The following AFF3 variants were observed in gnomAD, a reference collection of about 807,000 sequenced individuals.
The protein encoded by AFF3 is ALF transcription elongation factor 3.
Under a neutral mutation model 129.7 loss-of-function variants are expected in AFF3, and 32 were observed. That is an observed-to-expected ratio of 0.25 (90% CI 0.19 to 0.33). AFF3 has a LOEUF of 0.33. Ranked by LOEUF, AFF3 falls within the 10% of genes least tolerant of loss-of-function variation. AFF3 has a pLI of 1.00. For missense variants in AFF3, 1,373 were observed against 1,592.0 expected (o/e 0.86, Z 2.34); for synonymous variants, 644 against 635.4 (o/e 1.01, Z -0.20).
intron 7 of AFF3, among the ~76,000 whole-genome samples, chr2:99,961,386 C>T (rs778075358): frequency 4.6e-5 from 7 of 152,212 alleles, no homozygotes; most frequent in Non-Finnish European, 1.0e-4. Flanking sequence ...TCTTTCCTCC[C>T]TCGGGGGCCC....
At chr2:100,128,150 C>T (rs997865677) in intron 2 of AFF3, among the ~76,000 whole-genome samples, 4 of 152,304 alleles carry the variant, frequency 2.6e-5, no homozygotes, top group Non-Finnish European at 1.5e-5. Context: ...TTTAGCGTAT[C>T]ATCCAGAAAT....
At chr2:100,028,950 A>G (rs1364847657) in intron 4 of AFF3, among the ~76,000 whole-genome samples, 1 of 152,158 alleles carries the variant, frequency 6.6e-6, no homozygotes, top group East Asian at 1.9e-4. Context: ...GGGGTCTTGG[A>G]GAGATATCTA....
chr2:99,626,285 T>C (rs116347179), intron 13 of AFF3, among the ~76,000 whole-genome samples: 1,707 of 152,152 alleles, frequency 0.011, 30 homozygotes, highest in African/African-American at 0.038. Flanking sequence ...ACAGAAAAGG[T>C]AGAAAATTCC....
At chr2:99,890,451 AT>A (rs1431282960) in intron 7 of AFF3, among the ~76,000 whole-genome samples, 1 of 152,224 alleles carries the variant, frequency 6.6e-6, no homozygotes, top group East Asian at 1.9e-4. Flanking sequence ...AATGATTGAG[AT>A]ACATGCATTC....
chr2:99,991,106 C>G (rs962565460), intron 7 of AFF3, among the ~76,000 whole-genome samples: 1 of 152,110 alleles, frequency 6.6e-6, no homozygotes, highest in South Asian at 2.1e-4. Flanking sequence ...CTGCCCCTAC[C>G]CAGTCTTCAC....
intron 15 of AFF3, among the ~76,000 whole-genome samples, chr2:99,589,431 C>T (rs1039222357): frequency 2.2e-4 from 25 of 115,644 alleles, no homozygotes; most frequent in Non-Finnish European, 3.3e-4. Context: ...GAGACAGAGT[C>T]TCACTCTATT....
chr2:99,558,254 G>A (rs374777957), intron 22 of AFF3, among the ~76,000 whole-genome samples: 2 of 152,182 alleles, frequency 1.3e-5, no homozygotes, highest in East Asian at 3.8e-4. Flanking sequence ...AGGAATTTAT[G>A]TTAGCTATAA....
intron 4 of AFF3, among the ~76,000 whole-genome samples, chr2:100,024,364 C>T (rs1472219875): frequency 6.6e-6 from 1 of 151,276 alleles, no homozygotes; most frequent in African/African-American, 2.4e-5. Flanking sequence ...CACCTGAGGT[C>T]GGGAGTTCGA....
chr2:99,950,685 T>C (rs1216917786), intron 7 of AFF3, among the ~76,000 whole-genome samples: 2 of 152,200 alleles, frequency 1.3e-5, no homozygotes, highest in African/African-American at 2.4e-5. Flanking sequence ...AGATTGAAAA[T>C]TTATGCATCC....
At chr2:99,805,837 C>CACACAA (rs1410712309) in intron 8 of AFF3, among the ~76,000 whole-genome samples, 1 of 151,842 alleles carries the variant, frequency 6.6e-6, no homozygotes, top group South Asian at 2.1e-4. Flanking sequence ...CACACACACA[C>CACACAA]ACACACACAC....
At chr2:99,949,266 A>G (rs891403100) in intron 7 of AFF3, among the ~76,000 whole-genome samples, 1 of 152,220 alleles carries the variant, frequency 6.6e-6, no homozygotes, top group Non-Finnish European at 1.5e-5. Context: ...TAGCATTCAT[A>G]TATCTAAACT....
At chr2:99,768,994 C>T (rs1468959516) in intron 8 of AFF3, among the ~76,000 whole-genome samples, 1 of 152,158 alleles carries the variant, frequency 6.6e-6, no homozygotes, top group East Asian at 1.9e-4. Context: ...GGTTAAATCT[C>T]CTTGGTGGTC....
rs981303416 is a variant in AFF3 at position 99,600,269 on chromosome 2, G to T, written c.1371+1166C>A. Among the ~76,000 whole-genome samples, 5 of 152,158 alleles carry T rather than the reference G, an allele frequency of 3.3e-5. No homozygotes were observed. The East Asian group carries it at 9.6e-4, about 29-fold the overall frequency. On this transcript the variant is annotated intron_variant, in intron 14 of 24. Coordinates refer to ENST00000672756, the MANE Select transcript of AFF3 (RefSeq NM_001386135.1). ...GGAGAGTCCTGAGCCAGGGCAGAAAGGTGCTGAGGAGAAAATGAGGAGTGT... is the reference window on the plus strand; with the variant it reads ...GGAGAGTCCTGAGCCAGGGCAGAAATGTGCTGAGGAGAAAATGAGGAGTGT...
In AFF3 at chr2:99,587,159, G is replaced by T; in HGVS notation, c.2586C>A (p.Ile862=). 6.2e-7 allele frequency: 1 copy of T among 1,614,130 alleles called. No homozygotes were observed. Among genetic ancestry groups the T allele is most frequent in the Non-Finnish European group, 8.5e-7 (1 of 1,180,008 alleles). ...TLSANHCNMN[I]NSVAIPINKN... ...TTTGGAGGGAATGCACGTACCTGTT[G>T]ATGTTCATGTTGCAGTGGTTTGCAG... The change falls in exon 16 of 25, where the codon ATC becomes ATA. Residue 862 remains isoleucine, a synonymous_variant. Coordinates refer to ENST00000672756, the MANE Select transcript of AFF3 (RefSeq NM_001386135.1).
chr2:100,105,408 C>T, intron 3 of AFF3, 96 bp downstream of exon 3: 1 of 1,308,586 alleles, frequency 7.6e-7, no homozygotes, highest in South Asian at 1.2e-5. Context: ...TCCACCCGGA[C>T]CTGCTCTCCG....
chr2:99,947,806 G>C (rs190555820), intron 7 of AFF3, among the ~76,000 whole-genome samples: 1 of 152,130 alleles, frequency 6.6e-6, no homozygotes, highest in Non-Finnish European at 1.5e-5. Context: ...GTGGAGATAA[G>C]AGGGTTGGAC....
chr2:99,850,263 A>G (rs546543763), intron 7 of AFF3, among the ~76,000 whole-genome samples: 1 of 152,184 alleles, frequency 6.6e-6, no homozygotes, highest in Non-Finnish European at 1.5e-5. Context: ...ACTCTGAGTC[A>G]TAATTGTGTG....
At chr2:99,893,511 G>A (rs967229595) in intron 7 of AFF3, among the ~76,000 whole-genome samples, 1 of 152,214 alleles carries the variant, frequency 6.6e-6, no homozygotes, top group African/African-American at 2.4e-5. Context: ...GAGTGTCCTT[G>A]TAAGAAGAGA....
chr2:99,646,219 A>C (rs1257571139), intron 13 of AFF3, among the ~76,000 whole-genome samples: 1 of 152,174 alleles, frequency 6.6e-6, no homozygotes, highest in Non-Finnish European at 1.5e-5. Flanking sequence ...CTGGACACTC[A>C]AGGTTGAGGC....
Sources: gnomAD v4.1 joint callset for allele counts (sites outside exome capture counted in the v4.1 genomes callset) on GRCh38, gnomAD v4.1.1 for gene constraint, MANE v1.5 for transcripts, NCBI Gene and HGNC (gene_info 2026-07-23, HGNC 2026-07-21) for gene names.